The following VEZT variants were observed in gnomAD, a reference collection of about 807,000 sequenced individuals.
VEZT encodes vezatin, adherens junctions transmembrane protein, also known as vezatin.
In VEZT, 39 loss-of-function variants were observed where a neutral mutation model predicts 79.9. The ratio of observed to expected loss-of-function variants is 0.49; its 90% CI spans 0.38 to 0.64. VEZT has a LOEUF of 0.64. VEZT is among the 30% of genes least tolerant of loss of function. VEZT has a pLI of 0.00. For synonymous variants in VEZT, 325 were observed against 327.6 expected, an observed-to-expected ratio of 0.99 and a Z score of 0.09; for missense variants, 837 against 893.1, an observed-to-expected ratio of 0.94 and a Z score of 0.80.
chr12:95,276,484 G>A (rs537930607), intron 7 of VEZT, among the ~76,000 whole-genome samples: 14 of 151,786 alleles, frequency 9.2e-5, no homozygotes, highest in African/African-American at 3.4e-4. Flanking sequence ...TGCCCAGGCT[G>A]GTCTAAAACT....
chr12:95,261,235 A>G (rs1443820405), intron 3 of VEZT, among the ~76,000 whole-genome samples: 2 of 151,988 alleles, frequency 1.3e-5, no homozygotes, highest in African/African-American at 4.8e-5. Context: ...CGAGGCCTGG[A>G]ATGTGTGGTG....
At chr12:95,297,773 A>G (rs941961154) in intron 11 of VEZT, among the ~76,000 whole-genome samples, 7 of 152,164 alleles carry the variant, frequency 4.6e-5, no homozygotes, top group Non-Finnish European at 1.0e-4. Context: ...ATATCTTCTT[A>G]TGTTTATCGA....
chr12:95,275,660 T>C (rs923747864), intron 7 of VEZT: 8 of 151,776 alleles, frequency 5.3e-5, no homozygotes, highest in Non-Finnish European at 1.0e-4. Flanking sequence ...CAATGATTTA[T>C]AACAAAGAGT....
chr12:95,298,123 A>AAATAAT (rs557389826), intron 11 of VEZT, among the ~76,000 whole-genome samples: 87 of 149,780 alleles, frequency 5.8e-4, no homozygotes, highest in Admixed American at 1.3e-3. Context: ...CTCTCTCAAA[A>AAATAAT]AATAATAATA....
intron 1 of VEZT, among the ~76,000 whole-genome samples, chr12:95,249,901 AAATAAT>A (rs143062194): frequency 0.062 from 9,464 of 152,066 alleles, 449 homozygotes; most frequent in Middle Eastern, 0.12. Flanking sequence ...ATTGGAATAA[AAATAAT>A]AATGATAATG....
At chr12:95,240,026 AAGG>A in intron 1 of VEZT, among the ~76,000 whole-genome samples, 1 of 24,536 alleles carries the variant, frequency 4.1e-5, no homozygotes, top group Non-Finnish European at 1.1e-4. Context: ...GAAAGAAAGG[AAGG>A]AAGGAAGGAA....
chr12:95,253,666 T>C (rs1246844559), intron 2 of VEZT, among the ~76,000 whole-genome samples: 1 of 152,230 alleles, frequency 6.6e-6, no homozygotes, highest in Non-Finnish European at 1.5e-5. Flanking sequence ...TTGGGTTTTA[T>C]AGGTATTATT....
intron 7 of VEZT, among the ~76,000 whole-genome samples, chr12:95,281,155 G>A (rs1286464536): frequency 1.3e-5 from 2 of 152,076 alleles, no homozygotes; most frequent in Non-Finnish European, 2.9e-5. Flanking sequence ...TTGTTTCGGA[G>A]ATATTGTCCT....
chr12:95,275,705 G>T (rs983540885), intron 7 of VEZT: 5 of 151,004 alleles, frequency 3.3e-5, no homozygotes, highest in African/African-American at 9.7e-5. Context: ...GCACTCTAAA[G>T]TGTCTAAGAT....
intron 11 of VEZT, chr12:95,299,896 C>T (rs928036863): frequency 1.9e-5 from 4 of 208,850 alleles, no homozygotes; most frequent in African/African-American, 9.2e-5. Flanking sequence ...ACTTTCAGAA[C>T]CACTGCTTTA....
chr12:95,280,770 TGG>T, intron 7 of VEZT, among the ~76,000 whole-genome samples: 1 of 152,288 alleles, frequency 6.6e-6, no homozygotes, highest in East Asian at 1.9e-4. Flanking sequence ...TGGCACATCA[TGG>T]GTGCTCAAGA....
chr12:95,260,126 G>A (rs1453729361), intron 3 of VEZT, among the ~76,000 whole-genome samples: 1 of 98,196 alleles, frequency 1.0e-5, no homozygotes, highest in Non-Finnish European at 1.9e-5. Flanking sequence ...TTTTTTTTGA[G>A]ACAGAGTCTC....
intron 7 of VEZT, among the ~76,000 whole-genome samples, chr12:95,279,959 T>A (rs1451429304): frequency 6.6e-6 from 1 of 152,156 alleles, no homozygotes; most frequent in Non-Finnish European, 1.5e-5. Flanking sequence ...CATGCTGGAA[T>A]CATCCTTGTT....
chr12:95,249,457 T>C (rs974475847), intron 1 of VEZT, among the ~76,000 whole-genome samples: 4 of 152,328 alleles, frequency 2.6e-5, no homozygotes, highest in African/African-American at 4.8e-5. Flanking sequence ...TTATGGGTGA[T>C]ATCAAGATTA....
intron 1 of VEZT, among the ~76,000 whole-genome samples, chr12:95,228,149 T>C (rs914578159): frequency 7.2e-5 from 11 of 152,236 alleles, no homozygotes; most frequent in African/African-American, 2.7e-4. Context: ...TAACCCTTTG[T>C]TGGCAGTATG....
Position 95,294,328 on chromosome 12 carries a change from C to G in VEZT, c.1579C>G (p.Pro527Ala), listed in dbSNP as rs2139796635. 2 of 1,592,634 alleles carry G rather than the reference C, an allele frequency of 1.3e-6. No individual in the cohort carries two copies. Among genetic ancestry groups the G allele is most frequent in the East Asian group, 4.5e-5 (2 of 44,248 alleles). The stretch of plus-strand genomic sequence containing the variant: ...TTGTACAGTAGTACCTTTGAAGCAG[C>G]CTACTCTACACATTGCAGACAAAGA... ...PHCTVVPLKQ[P>A]TLHIADKDPI... Residue 527 changes from proline (P) to alanine (A), a missense_variant, in exon 10 of 12, where the codon CCT becomes GCT. Coordinates refer to ENST00000436874, the MANE Select transcript of VEZT (RefSeq NM_017599.4).
intron 3 of VEZT, chr12:95,262,541 T>C: frequency 6.2e-6 from 1 of 160,656 alleles, no homozygotes; most frequent in Non-Finnish European, 1.4e-5. Context: ...GCTATATTGT[T>C]ACAGCTTCAG....
intron 7 of VEZT, among the ~76,000 whole-genome samples, chr12:95,278,215 T>G (rs1341521794): frequency 6.6e-6 from 1 of 152,224 alleles, no homozygotes. Context: ...TTTTTAAAAT[T>G]CTATCTGATA....
At position 95,282,589 on chromosome 12, in the gene VEZT, A is replaced by G. The variant is rs902189442; in HGVS notation, c.1273A>G (p.Asn425Asp). The G allele has an allele frequency of 1.2e-6, 2 of 1,613,956 alleles. No homozygotes were observed. The highest frequency in any genetic ancestry group is 1.3e-5 in the African/African-American group (1 of 75,068). ...TCAACAGAAGTCAAGAGAACTGAAT[A>G]ATGTTCACACAGCAGTGCGTAGCTT... ...KTQQKSRELN[N>D]VHTAVRSLQL... Residue 425 changes from asparagine (N) to aspartate (D), a missense_variant, in exon 8 of 12, where the codon AAT (asparagine) becomes GAT (aspartate). Asn to Asp is a conservative substitution (Grantham distance 23). Coordinates refer to ENST00000436874, the MANE Select transcript of VEZT (RefSeq NM_017599.4).
Sources: gnomAD v4.1 joint callset for allele counts (sites outside exome capture counted in the v4.1 genomes callset) on GRCh38, gnomAD v4.1.1 for gene constraint, MANE v1.5 for transcripts, NCBI Gene and HGNC (gene_info 2026-07-23, HGNC 2026-07-21) for gene names.